PTPRT: variants seen among roughly 807,000 people sequenced by gnomAD.
PTPRT encodes the protein protein tyrosine phosphatase receptor type T.
Under a neutral mutation model 176.8 loss-of-function variants are expected in PTPRT, and 56 were observed. The ratio of observed to expected loss-of-function variants is 0.32; its 90% CI spans 0.26 to 0.40. The LOEUF (loss-of-function observed/expected upper bound fraction) is 0.40, where lower values mean the gene tolerates loss of function less well. Ranked by LOEUF, PTPRT falls within the 10% of genes least tolerant of loss-of-function variation. PTPRT has a pLI of 1.00. For missense variants in PTPRT, 1,540 were observed against 1,908.2 expected, an observed-to-expected ratio of 0.81 and a Z score of 3.60; for synonymous variants, 783 against 739.0, an observed-to-expected ratio of 1.06 and a Z score of -0.96.
intron 14 of PTPRT, 68 bp downstream of exon 14, chr20:42,248,619 C>G: frequency 1.3e-6 from 2 of 1,569,058 alleles, no homozygotes; most frequent in Non-Finnish European, 1.7e-6. Flanking sequence ...GAGCAAAAAC[C>G]TGGCCACACA....
intron 7 of PTPRT, among the ~76,000 whole-genome samples, chr20:42,509,690 C>T (rs2145448552): frequency 6.6e-6 from 1 of 151,950 alleles, no homozygotes; most frequent in East Asian, 1.9e-4. Flanking sequence ...AAGTCTCATC[C>T]TCTCTACTTA....
chr20:42,322,181 T>C (rs1270884425), intron 11 of PTPRT, among the ~76,000 whole-genome samples: 3 of 151,886 alleles, frequency 2.0e-5, no homozygotes, highest in Non-Finnish European at 1.5e-5. Flanking sequence ...ATGGCCATAC[T>C]GCCCAAGGTA....
chr20:42,459,296 TC>T (rs2070977348), intron 8 of PTPRT, among the ~76,000 whole-genome samples: 1 of 152,196 alleles, frequency 6.6e-6, no homozygotes, highest in Non-Finnish European at 1.5e-5. Flanking sequence ...AAGTGGGAAT[TC>T]TGGTCACCTG....
intron 7 of PTPRT, among the ~76,000 whole-genome samples, chr20:42,665,271 A>AC (rs1272823993): frequency 2.0e-5 from 3 of 152,218 alleles, no homozygotes; most frequent in Admixed American, 6.5e-5. Flanking sequence ...CAACCCCATC[A>AC]AAAGTGGGCA....
At chr20:42,442,686 C>T (rs1335504996) in intron 9 of PTPRT, among the ~76,000 whole-genome samples, 1 of 152,238 alleles carries the variant, frequency 6.6e-6, no homozygotes, top group African/African-American at 2.4e-5. Context: ...GTAACATCTT[C>T]TGGCCCAATT....
intron 1 of PTPRT, among the ~76,000 whole-genome samples, chr20:42,938,401 G>C (rs1312064976): frequency 6.6e-6 from 1 of 152,136 alleles, no homozygotes; most frequent in African/African-American, 2.4e-5. Flanking sequence ...GTCTGCACAT[G>C]GTTCTTTATA....
At chr20:42,608,820 C>T (rs1350853505) in intron 7 of PTPRT, among the ~76,000 whole-genome samples, 2 of 152,112 alleles carry the variant, frequency 1.3e-5, no homozygotes, top group African/African-American at 4.8e-5. Context: ...AACAAGTGTC[C>T]TAAGAGACCA....
chr20:42,208,820 C>T (rs1008514515), intron 15 of PTPRT, among the ~76,000 whole-genome samples: 1 of 152,170 alleles, frequency 6.6e-6, no homozygotes, highest in Non-Finnish European at 1.5e-5. Flanking sequence ...GAACTCTCCA[C>T]CCCAAATCAA....
chr20:42,747,631 C>A (rs1209158904), intron 6 of PTPRT, among the ~76,000 whole-genome samples: 1 of 152,088 alleles, frequency 6.6e-6, no homozygotes, highest in Non-Finnish European at 1.5e-5. Flanking sequence ...AACAAGTGAG[C>A]TACATAATTA....
At chr20:42,158,952 A>G (rs1461312141) in intron 17 of PTPRT, among the ~76,000 whole-genome samples, 1 of 152,206 alleles carries the variant, frequency 6.6e-6, no homozygotes, top group Non-Finnish European at 1.5e-5. Flanking sequence ...AAAGTTTGAA[A>G]AGCAACTCAC....
intron 1 of PTPRT, among the ~76,000 whole-genome samples, chr20:43,148,809 T>C (rs6073000): frequency 0.86 from 131,273 of 152,164 alleles, 57,756 homozygotes; most frequent in South Asian, 0.96. Context: ...GCTACCTTTT[T>C]TCATAGGCAA....
intron 2 of PTPRT, among the ~76,000 whole-genome samples, chr20:42,876,965 G>A (rs2078942511): frequency 2.0e-5 from 3 of 152,148 alleles, no homozygotes; most frequent in African/African-American, 7.2e-5. Flanking sequence ...TAGGAGGAAG[G>A]AAAAGTGGAG....
intron 9 of PTPRT, among the ~76,000 whole-genome samples, chr20:42,437,744 T>C (rs928373258): frequency 1.3e-5 from 2 of 152,144 alleles, no homozygotes; most frequent in Non-Finnish European, 2.9e-5. Flanking sequence ...CCCGAGCTAA[T>C]GAAAAGACAA....
intron 13 of PTPRT, among the ~76,000 whole-genome samples, chr20:42,262,108 T>C (rs1426298880): frequency 6.6e-6 from 1 of 152,240 alleles, no homozygotes; most frequent in Non-Finnish European, 1.5e-5. Context: ...GAATTGATTG[T>C]TGAGATTCCA....
chr20:42,246,429 C>A (rs2056452267), intron 14 of PTPRT, among the ~76,000 whole-genome samples: 2 of 152,192 alleles, frequency 1.3e-5, no homozygotes. Flanking sequence ...ACATGCAATG[C>A]CCAGGTTTTG....
At position 43,080,817 on chromosome 20, in the gene PTPRT, G is replaced by C. The variant is rs1254643011; in HGVS notation, c.88+108829C>G. Among the ~76,000 whole-genome samples, 3 of 152,178 alleles carry C rather than the reference G, an allele frequency of 2.0e-5. No homozygotes were observed. The East Asian group carries it at 5.8e-4, about 29-fold the overall frequency. On this transcript the variant is annotated intron_variant, in intron 1 of 30. Transcript: ENST00000373187. ...CTGCTGGCTGGAAATGCAGGACATG[G>C]GGCCTTAGTGAGAAGTCGAACCACA... is the stretch of plus-strand genomic sequence containing the variant.
At chr20:42,558,933 C>T (rs961322038) in intron 7 of PTPRT, among the ~76,000 whole-genome samples, 1 of 152,162 alleles carries the variant, frequency 6.6e-6, no homozygotes, top group African/African-American at 2.4e-5. Context: ...GTTGGACACA[C>T]TGTGACCAAG....
At chr20:42,544,902 C>T (rs1356657847) in intron 7 of PTPRT, among the ~76,000 whole-genome samples, 2 of 152,210 alleles carry the variant, frequency 1.3e-5, no homozygotes, top group East Asian at 3.9e-4. Context: ...GATCCTCCTG[C>T]CTCAACCTGC....
chr20:43,142,210 A>G (rs184694795), intron 1 of PTPRT, among the ~76,000 whole-genome samples: 1 of 152,342 alleles, frequency 6.6e-6, no homozygotes, highest in African/African-American at 2.4e-5. Context: ...ATCATGCCCA[A>G]CGTTCTAAAC....
Sources: gnomAD v4.1 joint callset for allele counts (sites outside exome capture counted in the v4.1 genomes callset) on GRCh38, gnomAD v4.1.1 for gene constraint, MANE v1.5 for transcripts, NCBI Gene and HGNC (gene_info 2026-07-23, HGNC 2026-07-21) for gene names.